EFHC2: variants seen among roughly 807,000 people sequenced by gnomAD.
EFHC2 encodes EF-hand domain-containing family member C2.
EFHC2 carries 18 observed loss-of-function variants against 52.7 expected under a neutral mutation model. The ratio of observed to expected loss-of-function variants is 0.34; its 90% CI spans 0.24 to 0.51. EFHC2 has a LOEUF of 0.51. EFHC2 is among the 20% of genes least tolerant of loss of function. EFHC2 has a pLI of 0.97. For synonymous variants in EFHC2, 203 were observed against 204.1 expected, an observed-to-expected ratio of 0.99 and a Z score of 0.04; for missense variants, 513 against 562.5, an observed-to-expected ratio of 0.91 and a Z score of 0.89.
chrX:44,218,675 C>T (rs370583117), intron 11 of EFHC2, among the ~76,000 whole-genome samples: 1 of 111,892 alleles, frequency 8.9e-6, no homozygotes, highest in East Asian at 2.8e-4. Context: ...TTGAGCCAGC[C>T]GAAGGCATCT....
At chrX:44,212,846 G>A (rs1029924657) in intron 11 of EFHC2, among the ~76,000 whole-genome samples, 2 of 110,122 alleles carry the variant, frequency 1.8e-5, no homozygotes, top group African/African-American at 6.6e-5. Flanking sequence ...GGAGTAGCTG[G>A]GATTACAGGC....
chrX:44,173,772 T>G (rs950617039), intron 13 of EFHC2, among the ~76,000 whole-genome samples: 1 of 111,969 alleles, frequency 8.9e-6, no homozygotes, highest in African/African-American at 3.2e-5. Flanking sequence ...ACAATCTTTT[T>G]GCATTTAATG....
intron 11 of EFHC2, among the ~76,000 whole-genome samples, chrX:44,187,445 T>C (rs767838308): frequency 2.3e-4 from 26 of 110,902 alleles, no homozygotes; most frequent in African/African-American, 7.9e-4. Context: ...TTACTAGATA[T>C]TACACATTTT....
chrX:44,296,506 G>T (rs140925586), intron 2 of EFHC2, among the ~76,000 whole-genome samples: 5,248 of 110,929 alleles, frequency 0.047, 139 homozygotes, highest in Non-Finnish European at 0.072. Flanking sequence ...GGGGAACATG[G>T]TAGACTGCAA....
At chrX:44,193,369 C>A (rs2036938127) in intron 11 of EFHC2, among the ~76,000 whole-genome samples, 1 of 109,517 alleles carries the variant, frequency 9.1e-6, no homozygotes, top group African/African-American at 3.3e-5. Flanking sequence ...CTACGTTGGG[C>A]ACATGTCTCG....
At chrX:44,225,100 T>C (rs2037221579) in intron 11 of EFHC2, among the ~76,000 whole-genome samples, 1 of 111,154 alleles carries the variant, frequency 9.0e-6, no homozygotes, top group Non-Finnish European at 1.9e-5. Context: ...AAAGGTTATC[T>C]GCACTCTCTT....
At chrX:44,234,798 G>A (rs1009160815) in intron 9 of EFHC2, among the ~76,000 whole-genome samples, 4 of 111,607 alleles carry the variant, frequency 3.6e-5, no homozygotes, top group African/African-American at 1.3e-4. Flanking sequence ...GCATTCTGTG[G>A]GCCTGAGTGC....
In EFHC2 at chrX:44,148,867, T is replaced by C. The variant is rs1449626343; in HGVS notation, c.2178A>G (p.Pro726=). Residue 726 remains proline (P), a synonymous_variant, in exon 15 of 15, where the codon CCA becomes CCG. Transcript: ENST00000420999. ...CAATGTATTTCGCAGGAATAGGTGA[T>C]GGCATACCAAGCCAAACATCTTCAC... ...ERCEDVWLGM[P]SPIPAKYIDY... 1.7e-6 allele frequency: 2 copies of C among 1,184,689 alleles called. No individual in the cohort carries two copies. The highest frequency in any genetic ancestry group is 6.1e-5 in the East Asian group (2 of 32,668).
intron 2 of EFHC2, among the ~76,000 whole-genome samples, chrX:44,280,634 C>T (rs1171692377): frequency 8.9e-6 from 1 of 111,947 alleles, no homozygotes; most frequent in African/African-American, 3.2e-5. Context: ...GAAAAACTAA[C>T]AAAGATTTCA....
rs191631110 is a variant in EFHC2 at position 44,234,985 on chromosome X, C to T, written c.1423+320G>A. On this transcript the variant is annotated intron_variant, in intron 9 of 14. Transcript: ENST00000420999. ...GGATACAAGTAAAACTAGTGGTACT[C>T]AGACCATGATTTTGAAGCCCTTGGG... Among the ~76,000 whole-genome samples the T allele has an allele frequency of 3.8e-4, 42 of 111,541 alleles. No homozygotes were observed. The South Asian group carries it at 0.014, about 37-fold the overall frequency.
chrX:44,155,033 C>T (rs1298303755), intron 14 of EFHC2, among the ~76,000 whole-genome samples: 2 of 112,017 alleles, frequency 1.8e-5, no homozygotes, highest in Admixed American at 9.5e-5. Context: ...CCAGATAACT[C>T]AAAAGACAGC....
chrX:44,290,645 T>A (rs1202691648), intron 2 of EFHC2, among the ~76,000 whole-genome samples: 8 of 111,322 alleles, frequency 7.2e-5, no homozygotes, highest in Non-Finnish European at 1.3e-4. Flanking sequence ...CCTCTCTGGT[T>A]AATATAAATT....
intron 11 of EFHC2, among the ~76,000 whole-genome samples, chrX:44,222,031 T>C (rs748783114): frequency 8.1e-4 from 91 of 112,106 alleles, no homozygotes; most frequent in Middle Eastern, 4.6e-3. Flanking sequence ...TACAATCATA[T>C]TTGGATTCTA....
intron 10 of EFHC2, among the ~76,000 whole-genome samples, chrX:44,230,168 C>A (rs2037264865): frequency 9.0e-6 from 1 of 111,297 alleles, no homozygotes; most frequent in Admixed American, 9.5e-5. Flanking sequence ...TTCTCTAGAT[C>A]TTTAGAATGG....
intron 11 of EFHC2, among the ~76,000 whole-genome samples, chrX:44,196,631 GA>G (rs2036967847): frequency 8.9e-6 from 1 of 112,047 alleles, no homozygotes. Flanking sequence ...CAAGGAAAAA[GA>G]TTTTAATCAC....
chrX:44,241,831 C>T (rs1486217513), intron 8 of EFHC2, among the ~76,000 whole-genome samples: 1 of 112,166 alleles, frequency 8.9e-6, no homozygotes, highest in East Asian at 2.8e-4. Flanking sequence ...TCCTACTCTA[C>T]ATCTTTCCTA....
intron 11 of EFHC2, among the ~76,000 whole-genome samples, chrX:44,206,432 C>T (rs2147299373): frequency 9.0e-6 from 1 of 111,547 alleles, no homozygotes; most frequent in South Asian, 3.8e-4. Flanking sequence ...CTCTGTTTGC[C>T]AATAATGTGA....
intron 1 of EFHC2, among the ~76,000 whole-genome samples, chrX:44,341,740 G>A: frequency 8.9e-6 from 1 of 112,831 alleles, no homozygotes; most frequent in Non-Finnish European, 1.9e-5. Context: ...GTGAGCCACT[G>A]CGCCCAGCCC....
intron 4 of EFHC2, among the ~76,000 whole-genome samples, chrX:44,256,667 C>G (rs1184307899): frequency 9.0e-6 from 1 of 111,203 alleles, no homozygotes; most frequent in Non-Finnish European, 1.9e-5. Context: ...CAAAAACAGC[C>G]CAGGACCAGA....
Sources: allele counts gnomAD v4.1 joint callset (sites outside exome capture counted in the v4.1 genomes callset), GRCh38; gene constraint gnomAD v4.1.1; transcripts MANE v1.5; gene names NCBI Gene and HGNC (gene_info 2026-07-23, HGNC 2026-07-21).